Variants in CRYBG3 observed in about 807,000 individuals in gnomAD.
CRYBG3 encodes very large A-kinase anchor protein.
In CRYBG3, 127 loss-of-function variants were observed where a neutral mutation model predicts 244.2. The observed-to-expected ratio is 0.52, with a 90% CI of 0.45 to 0.60. The LOEUF (loss-of-function observed/expected upper bound fraction) is 0.60, where lower values mean the gene tolerates loss of function less well. Ranked by LOEUF, CRYBG3 falls within the 20% of genes least tolerant of loss-of-function variation. CRYBG3 has a pLI of 0.00. For synonymous variants in CRYBG3, 1,132 were observed against 1,195.8 expected, an observed-to-expected ratio of 0.95 and a Z score of 1.10; for missense variants, 3,325 against 3,442.5, an observed-to-expected ratio of 0.97 and a Z score of 0.85.
intron 15 of CRYBG3, among the ~76,000 whole-genome samples, chr3:97,908,001 T>C (rs2039798936): frequency 6.6e-6 from 1 of 152,248 alleles, no homozygotes; most frequent in Non-Finnish European, 1.5e-5. Flanking sequence ...CATTTTGTTA[T>C]GTACCCAGTA....
chr3:97,867,955 T>A (rs2039254678), intron 3 of CRYBG3, among the ~76,000 whole-genome samples: 1 of 152,218 alleles, frequency 6.6e-6, no homozygotes, highest in East Asian at 1.9e-4. Flanking sequence ...TAGGGAAAAA[T>A]TAAAAATTAA....
At chr3:97,886,802 T>A (rs988601758) in intron 8 of CRYBG3, 35 bp downstream of exon 8, 4 of 1,490,160 alleles carry the variant, frequency 2.7e-6, no homozygotes, top group Non-Finnish European at 1.8e-6. Flanking sequence ...TAGTGATTGA[T>A]GGCCACCAAT....
chr3:97,854,136 T>G (rs1469789795), intron 2 of CRYBG3, among the ~76,000 whole-genome samples: 4 of 152,068 alleles, frequency 2.6e-5, no homozygotes. Context: ...TTGGCTGTAT[T>G]TGGCTTTATT....
intron 2 of CRYBG3, among the ~76,000 whole-genome samples, chr3:97,853,109 A>G (rs1393349905): frequency 6.6e-6 from 1 of 152,016 alleles, no homozygotes; most frequent in Admixed American, 6.6e-5. Flanking sequence ...TATACCCATC[A>G]CCCAAGCAGT....
chr3:97,905,134 A>C (rs2039755862), intron 15 of CRYBG3, among the ~76,000 whole-genome samples: 1 of 152,068 alleles, frequency 6.6e-6, no homozygotes, highest in Non-Finnish European at 1.5e-5. Context: ...TTCTTAATCC[A>C]GTCTATCATT....
In CRYBG3 at chr3:97,855,588, G is replaced by A. The variant is rs141334893; in HGVS notation, c.217-8629G>A. 1.1e-4 allele frequency among the ~76,000 whole-genome samples: 17 copies of A among 152,138 alleles called. 1 individual carries two copies. Among genetic ancestry groups the A allele is most frequent in the African/African-American group, 2.4e-4 (10 of 41,522 alleles). On this transcript the variant is annotated intron_variant, in intron 2 of 21. Transcript: ENST00000389622. ...GGTAGCTTGTATATGTCCAGGTATC[G>A]GGGAACCTGCCCCGATAGTCACGTA...
chr3:97,841,069 T>C (rs2038805715), intron 1 of CRYBG3, among the ~76,000 whole-genome samples: 1 of 151,938 alleles, frequency 6.6e-6, no homozygotes, highest in African/African-American at 2.4e-5. Context: ...AAATTCTTAT[T>C]TTATACATTT....
At chr3:97,894,937 G>A (rs2039623527) in intron 11 of CRYBG3, among the ~76,000 whole-genome samples, 1 of 152,148 alleles carries the variant, frequency 6.6e-6, no homozygotes, top group African/African-American at 2.4e-5. Context: ...TTACAGGAAG[G>A]GGAGAGGGAG....
At chr3:97,888,545 C>G (rs1026355487) in intron 9 of CRYBG3, 90 bp downstream of exon 9, 22 of 830,518 alleles carry the variant, frequency 2.6e-5, no homozygotes, top group Non-Finnish European at 3.9e-5. Context: ...GCATCTCAAT[C>G]TCAAGTGAAT....
chr3:97,824,233 C>T (rs1483796792), intron 1 of CRYBG3, among the ~76,000 whole-genome samples: 1 of 152,120 alleles, frequency 6.6e-6, no homozygotes, highest in Non-Finnish European at 1.5e-5. Context: ...ACACAACACC[C>T]TGATGTTAAC....
intron 1 of CRYBG3, among the ~76,000 whole-genome samples, chr3:97,839,058 TG>T (rs1015689751): frequency 6.6e-6 from 1 of 152,104 alleles, no homozygotes; most frequent in Non-Finnish European, 1.5e-5. Context: ...AAATGTAAGG[TG>T]GTTTTATTTG....
At chr3:97,907,002 A>G (rs2039783530) in intron 15 of CRYBG3, among the ~76,000 whole-genome samples, 1 of 151,672 alleles carries the variant, frequency 6.6e-6, no homozygotes, top group Non-Finnish European at 1.5e-5. Context: ...TATTGAGATA[A>G]TCATGTGGTT....
chr3:97,894,941 G>A (rs1460233148), intron 11 of CRYBG3, among the ~76,000 whole-genome samples: 1 of 152,182 alleles, frequency 6.6e-6, no homozygotes, highest in East Asian at 1.9e-4. Flanking sequence ...AGGAAGGGGA[G>A]AGGGAGTAAC....
At chr3:97,928,321 T>C (rs1374667264) in intron 17 of CRYBG3, among the ~76,000 whole-genome samples, 1 of 151,980 alleles carries the variant, frequency 6.6e-6, no homozygotes, top group Non-Finnish European at 1.5e-5. Context: ...ACCAAATATG[T>C]AATGTTTTCA....
intron 15 of CRYBG3, among the ~76,000 whole-genome samples, chr3:97,901,126 G>T (rs563782276): frequency 6.6e-6 from 1 of 152,240 alleles, no homozygotes; most frequent in East Asian, 1.9e-4. Context: ...CACACAACTA[G>T]AAGTAGCAAA....
At chr3:97,860,735 A>G (rs1265365460) in intron 2 of CRYBG3, among the ~76,000 whole-genome samples, 1 of 152,070 alleles carries the variant, frequency 6.6e-6, no homozygotes, top group Non-Finnish European at 1.5e-5. Context: ...CTGGTATTCT[A>G]TAGAGACTAA....
intron 11 of CRYBG3, among the ~76,000 whole-genome samples, chr3:97,894,991 T>C (rs1207236683): frequency 6.6e-6 from 1 of 152,128 alleles, no homozygotes; most frequent in Non-Finnish European, 1.5e-5. Context: ...AAAACAATTA[T>C]TTGGAATACT....
chr3:97,916,473 A>C (rs1049280114), intron 17 of CRYBG3, among the ~76,000 whole-genome samples: 1 of 152,168 alleles, frequency 6.6e-6, no homozygotes, highest in African/African-American at 2.4e-5. Context: ...CAGGACATCA[A>C]TTCTGGGCCC....
intron 1 of CRYBG3, among the ~76,000 whole-genome samples, chr3:97,832,106 G>A (rs562193342): frequency 7.9e-5 from 12 of 151,400 alleles, no homozygotes; most frequent in African/African-American, 1.9e-4. Flanking sequence ...AGGAAGAATC[G>A]ATATTGTGAA....
Sources: gnomAD v4.1 joint callset for allele counts (sites outside exome capture counted in the v4.1 genomes callset) on GRCh38, gnomAD v4.1.1 for gene constraint, MANE v1.5 for transcripts, NCBI Gene and HGNC (gene_info 2026-07-23, HGNC 2026-07-21) for gene names.